The following UNC5D variants were observed in gnomAD, a reference collection of about 807,000 sequenced individuals.
UNC5D encodes unc-5 netrin receptor D.
UNC5D carries 39 observed loss-of-function variants against 105.4 expected under a neutral mutation model. That is an observed-to-expected ratio of 0.37 (90% CI 0.29 to 0.48). The LOEUF (loss-of-function observed/expected upper bound fraction) is 0.48, where lower values mean the gene tolerates loss of function less well. UNC5D is among the 20% of genes least tolerant of loss of function. UNC5D has a pLI of 0.98. For synonymous variants in UNC5D, 452 were observed against 450.4 expected (o/e 1.00, Z -0.04); for missense variants, 991 against 1,202.4 (o/e 0.82, Z 2.60).
chr8:35,743,764 C>T (rs563135672), intron 11 of UNC5D, among the ~76,000 whole-genome samples: 1 of 151,968 alleles, frequency 6.6e-6, no homozygotes, highest in East Asian at 1.9e-4. Flanking sequence ...AAAGTCAATA[C>T]ATATATATAC....
intron 1 of UNC5D, among the ~76,000 whole-genome samples, chr8:35,512,465 C>CAT (rs780945660): frequency 0.081 from 1,610 of 19,902 alleles, 116 homozygotes; most frequent in Non-Finnish European, 0.11. Flanking sequence ...AATAGTGAGC[C>CAT]ATATATATAT....
chr8:35,681,962 A>T lies in UNC5D; in HGVS notation c.571-1585A>T, dbSNP rs1322580880. Among the ~76,000 whole-genome samples the T allele has an allele frequency of 2.0e-5, 3 of 146,574 alleles. No individual in the cohort carries two copies. In the East Asian group the frequency reaches 6.1e-4, roughly 30 times the overall value. ...AAACCAAATAATTATAGAAGAGACG[A>T]CCTTTTTTTGGGGGGAGGGGCGGAC... On this transcript the variant is annotated intron_variant, in intron 4 of 16. Coordinates refer to ENST00000404895, the MANE Select transcript of UNC5D (RefSeq NM_080872.4).
Position 35,563,290 on chromosome 8 carries a change from G to A in UNC5D, c.323-4808G>A, listed in dbSNP as rs1393893293. On this transcript the variant is annotated intron_variant, in intron 2 of 16. Transcript: ENST00000404895. Reference sequence around the variant, plus strand: ...GTCCTCTTCGATTTCTTTCACCAGAGTTTTATCATTTTCTTTGTGGAGATC... The same window carrying A: ...GTCCTCTTCGATTTCTTTCACCAGAATTTTATCATTTTCTTTGTGGAGATC... Among the ~76,000 whole-genome samples the A allele has an allele frequency of 4.9e-5, 6 of 122,614 alleles. No individual in the cohort carries two copies. In the Admixed American group the frequency reaches 5.5e-4, roughly 11 times the overall value. 80.4% of individuals were successfully genotyped at this position (122,614 alleles called of 152,430 possible). A position where few individuals can be genotyped will look rare whatever the true frequency, so the allele number is the denominator to read the frequency against.
intron 16 of UNC5D, among the ~76,000 whole-genome samples, chr8:35,779,777 A>C (rs1586634092): frequency 6.6e-6 from 1 of 152,242 alleles, no homozygotes; most frequent in Non-Finnish European, 1.5e-5. Flanking sequence ...CTTGACCCTA[A>C]AAACCTGCCT....
Position 35,792,781 on chromosome 8 carries a change from G to A in UNC5D, c.*2218G>A. On this transcript the variant is annotated 3_prime_UTR_variant, in exon 17 of 17. Transcript: ENST00000404895. ...AGCATTTTCCCTCTTCCCTTCTAAT[G>A]GGCATTATAATTGTTTCATCTACTC... The A allele has an allele frequency of 9.9e-6, 3 of 301,796 alleles. No individual in the cohort carries two copies. Among genetic ancestry groups the A allele is most frequent in the South Asian group, 5.8e-5 (2 of 34,584 alleles). 18.7% of individuals were successfully genotyped at this position (301,796 alleles called of 1,614,324 possible).
intron 3 of UNC5D, among the ~76,000 whole-genome samples, chr8:35,580,069 C>T (rs1239545579): frequency 2.0e-5 from 3 of 152,276 alleles, no homozygotes; most frequent in Middle Eastern, 3.4e-3. Context: ...TTTGGGGACT[C>T]CTCCAAGTTT....
At chr8:35,445,780 T>C (rs1163062961) in intron 1 of UNC5D, among the ~76,000 whole-genome samples, 1 of 152,096 alleles carries the variant, frequency 6.6e-6, no homozygotes, top group Non-Finnish European at 1.5e-5. Flanking sequence ...CATTCATGTT[T>C]GAGAAATGCA....
chr8:35,585,895 A>G (rs1292536837), intron 3 of UNC5D, among the ~76,000 whole-genome samples: 1 of 152,128 alleles, frequency 6.6e-6, no homozygotes, highest in East Asian at 1.9e-4. Context: ...CAGCTGAAAT[A>G]AGAACTGGAA....
At chr8:35,603,821 C>G (rs920996415) in intron 4 of UNC5D, among the ~76,000 whole-genome samples, 2 of 151,982 alleles carry the variant, frequency 1.3e-5, no homozygotes, top group Non-Finnish European at 2.9e-5. Flanking sequence ...CTCTTTTGAT[C>G]TTTGTTGGTT....
intron 1 of UNC5D, among the ~76,000 whole-genome samples, chr8:35,337,932 T>C (rs1423423684): frequency 6.6e-6 from 1 of 152,262 alleles, no homozygotes; most frequent in East Asian, 1.9e-4. Flanking sequence ...ACAGTAAAAA[T>C]TTAATTTGCC....
intron 1 of UNC5D, among the ~76,000 whole-genome samples, chr8:35,385,969 G>A (rs1021899186): frequency 2.0e-5 from 3 of 152,076 alleles, no homozygotes; most frequent in African/African-American, 4.8e-5. Context: ...ATCTAGATAC[G>A]ATTCCATACT....
intron 1 of UNC5D, among the ~76,000 whole-genome samples, chr8:35,487,820 T>G (rs755526174): frequency 6.6e-6 from 1 of 152,164 alleles, no homozygotes; most frequent in Non-Finnish European, 1.5e-5. Context: ...TGATGACAAC[T>G]TAGATGGAAA....
At chr8:35,490,255 C>T (rs1039792678) in intron 1 of UNC5D, among the ~76,000 whole-genome samples, 2 of 152,192 alleles carry the variant, frequency 1.3e-5, no homozygotes, top group African/African-American at 4.8e-5. Flanking sequence ...GTAATCCCAG[C>T]ACTTTGGGAG....
At chr8:35,565,295 G>A (rs1817260990) in intron 2 of UNC5D, among the ~76,000 whole-genome samples, 1 of 152,130 alleles carries the variant, frequency 6.6e-6, no homozygotes, top group African/African-American at 2.4e-5. Context: ...TTGGGGTAAG[G>A]TGGTAGCTTA....
intron 1 of UNC5D, among the ~76,000 whole-genome samples, chr8:35,412,695 A>G (rs993346315): frequency 1.3e-5 from 2 of 152,128 alleles, no homozygotes; most frequent in Non-Finnish European, 2.9e-5. Context: ...AGTTCTTACC[A>G]TGAGATAAGA....
chr8:35,524,661 AAG>A (rs1342258573), intron 1 of UNC5D, among the ~76,000 whole-genome samples: 14 of 150,182 alleles, frequency 9.3e-5, no homozygotes, highest in African/African-American at 3.4e-4. Flanking sequence ...AAAAAGAAAA[AAG>A]AAAAAAGAAA....
intron 1 of UNC5D, among the ~76,000 whole-genome samples, chr8:35,303,858 A>G (rs1283923633): frequency 1.3e-5 from 2 of 152,122 alleles, no homozygotes; most frequent in Admixed American, 6.6e-5. Context: ...AGCTAAAGCC[A>G]TTTTACTCAG....
At chr8:35,323,256 T>C (rs1198241012) in intron 1 of UNC5D, among the ~76,000 whole-genome samples, 1 of 150,568 alleles carries the variant, frequency 6.6e-6, no homozygotes, top group East Asian at 2.0e-4. Flanking sequence ...TTGTGATACC[T>C]GGGACCATAT....
At chr8:35,447,860 A>T (rs1807898852) in intron 1 of UNC5D, among the ~76,000 whole-genome samples, 2 of 152,108 alleles carry the variant, frequency 1.3e-5, no homozygotes, top group Admixed American at 1.3e-4. Flanking sequence ...GTCTTCTGCT[A>T]TAATTACAGT....
Sources: allele counts gnomAD v4.1 joint callset (sites outside exome capture counted in the v4.1 genomes callset), GRCh38; gene constraint gnomAD v4.1.1; transcripts MANE v1.5; gene names NCBI Gene and HGNC (gene_info 2026-07-23, HGNC 2026-07-21).